AOX1: variants seen among roughly 807,000 people sequenced by gnomAD.
The protein encoded by AOX1 is aldehyde oxidase 1, also known as aldehyde oxidase.
In AOX1, 153 loss-of-function variants were observed where a neutral mutation model predicts 169.5. The observed-to-expected ratio is 0.90, with a 90% CI of 0.79 to 1.03. The LOEUF is 1.03. Among genes scored for constraint, AOX1 ranks in the 50% least tolerant of loss-of-function variants. The pLI, the probability that AOX1 is intolerant of heterozygous loss-of-function variation, is 0.00. For missense variants in AOX1, 1,656 were observed against 1,663.9 expected, an observed-to-expected ratio of 1.00 and a Z score of 0.08; for synonymous variants, 562 against 581.9, an observed-to-expected ratio of 0.97 and a Z score of 0.49.
chr2:200,641,301 C>T (rs2105747157), intron 24 of AOX1, 117 bp downstream of exon 24: 1 of 680,640 alleles, frequency 1.5e-6, no homozygotes, highest in Admixed American at 2.4e-5. Flanking sequence ...AATGACCATC[C>T]TTGCAGGGAT....
chr2:200,642,556 G>A, intron 24 of AOX1, 54 bp from the exon 25 acceptor site: 1 of 1,553,968 alleles, frequency 6.4e-7, no homozygotes, highest in Non-Finnish European at 8.8e-7. Context: ...GAGGTCGTAG[G>A]ATGGTGAAAC....
chr2:200,609,561 G>T (rs1487761242), intron 12 of AOX1, 147 bp downstream of exon 12: 1 of 684,664 alleles, frequency 1.5e-6, no homozygotes, highest in East Asian at 2.7e-5. Flanking sequence ...GAAATTTTGT[G>T]AGTCTTGTCT....
At chr2:200,626,864 C>T (rs951901468) in intron 19 of AOX1, among the ~76,000 whole-genome samples, 10 of 152,188 alleles carry the variant, frequency 6.6e-5, no homozygotes, top group African/African-American at 2.2e-4. Flanking sequence ...CTTCACCAAC[C>T]ACGATCCTAT....
In AOX1 at chr2:200,651,060, A is replaced by G. The variant is rs2035571099; in HGVS notation, c.2934A>G (p.Arg978=). Residue 978 remains arginine, a synonymous_variant, in exon 26 of 35, where the codon AGA becomes AGG. Transcript: ENST00000374700. ...INAKNLIQCW[R]ECMAMSSYSL... ...CCAAGAACCTAATCCAGTGTTGGAG[A>G]GAATGTATGGCCATGTCTTCCTACT... 1 of 1,614,110 alleles carries G rather than the reference A, an allele frequency of 6.2e-7. No homozygotes were observed. Among genetic ancestry groups the G allele is most frequent in the African/African-American group, 1.3e-5 (1 of 74,948 alleles).
chr2:200,663,518 C>CT (rs2035866065), intron 31 of AOX1, among the ~76,000 whole-genome samples: 2 of 150,644 alleles, frequency 1.3e-5, no homozygotes, highest in Admixed American at 6.6e-5. Context: ...AAGGGATGCT[C>CT]TGAAGAGATA....
chr2:200,637,095 T>G (rs1338063364), intron 22 of AOX1, 51 bp downstream of exon 22: 1 of 1,606,396 alleles, frequency 6.2e-7, no homozygotes, highest in South Asian at 1.1e-5. Context: ...CTGAAAGTTC[T>G]CACTGTCAGA....
Sources: allele counts gnomAD v4.1 joint callset (sites outside exome capture counted in the v4.1 genomes callset), GRCh38; gene constraint gnomAD v4.1.1; transcripts MANE v1.5; gene names NCBI Gene and HGNC (gene_info 2026-07-23, HGNC 2026-07-21).